NFIA: variants seen among roughly 807,000 people sequenced by gnomAD.
NFIA encodes nuclear factor I A.
In NFIA, 8 loss-of-function variants were observed where a neutral mutation model predicts 62.8. The ratio of observed to expected loss-of-function variants is 0.13; its 90% CI spans 0.07 to 0.23. NFIA has a LOEUF of 0.23. Ranked by LOEUF, NFIA falls within the 10% of genes least tolerant of loss-of-function variation. The pLI is 1.00. For missense variants in NFIA, 410 were observed against 642.1 expected (o/e 0.64, Z 3.91); for synonymous variants, 235 against 238.1 (o/e 0.99, Z 0.12).
intron 2 of NFIA, among the ~76,000 whole-genome samples, chr1:61,234,979 CTCT>C (rs1654903972): frequency 6.6e-6 from 1 of 152,188 alleles, no homozygotes; most frequent in Non-Finnish European, 1.5e-5. Context: ...TAGTTCCTCC[CTCT>C]TCCTGGTAGG....
intron 2 of NFIA, among the ~76,000 whole-genome samples, chr1:61,161,683 T>C (rs773033540): frequency 5.9e-5 from 9 of 152,056 alleles, no homozygotes; most frequent in Non-Finnish European, 1.2e-4. Context: ...TGTAACTCTG[T>C]CACAAGTTGA....
At chr1:61,140,290 T>C (rs1647406218) in intron 2 of NFIA, among the ~76,000 whole-genome samples, 1 of 141,284 alleles carries the variant, frequency 7.1e-6, no homozygotes, top group East Asian at 2.1e-4. Context: ...TGCTACTGCC[T>C]GCAGAAAAAC....
At chr1:61,415,014 T>C (rs2499533) in intron 9 of NFIA, among the ~76,000 whole-genome samples, 116,308 of 152,044 alleles carry the variant, frequency 0.76, 45,637 homozygotes, top group East Asian at 0.98. Flanking sequence ...TTACTTTGCT[T>C]GATTTCCATG....
chr1:61,454,426 G>A (rs962412274), intron 10 of NFIA, among the ~76,000 whole-genome samples: 3 of 152,146 alleles, frequency 2.0e-5, no homozygotes, highest in Non-Finnish European at 2.9e-5. Flanking sequence ...AAGGATTTAC[G>A]AAAGGAAAAG....
At chr1:61,376,023 G>T (rs150269879) in intron 6 of NFIA, among the ~76,000 whole-genome samples, 148 of 152,042 alleles carry the variant, frequency 9.7e-4, no homozygotes, top group African/African-American at 3.5e-3. Flanking sequence ...CTCATTATAC[G>T]TGATCTCTCA....
chr1:61,294,601 A>G (rs1234316653), intron 3 of NFIA, among the ~76,000 whole-genome samples: 4 of 152,260 alleles, frequency 2.6e-5, no homozygotes, highest in African/African-American at 9.6e-5. Context: ...TTTCTGAATA[A>G]TGCCTTTAAA....
intron 2 of NFIA, among the ~76,000 whole-genome samples, chr1:61,098,151 G>A (rs1646448041): frequency 6.6e-6 from 1 of 152,174 alleles, no homozygotes; most frequent in African/African-American, 2.4e-5. Context: ...AGATATAATA[G>A]CAGATTAACA....
At chr1:61,079,696 G>A (rs532852229), upstream of NFIA, among the ~76,000 whole-genome samples, 1 of 152,252 alleles carries the variant, frequency 6.6e-6, no homozygotes, top group African/African-American at 2.4e-5. Context: ...TTCCTCCACT[G>A]CTCTCTCTAC....
chr1:61,316,107 A>C (rs1660353515), intron 3 of NFIA, among the ~76,000 whole-genome samples: 1 of 152,176 alleles, frequency 6.6e-6, no homozygotes, highest in Non-Finnish European at 1.5e-5. Context: ...TGTCGAGTTT[A>C]TATTTATAGA....
chr1:61,413,370 C>T (rs890989289), intron 9 of NFIA, among the ~76,000 whole-genome samples: 3 of 152,022 alleles, frequency 2.0e-5, no homozygotes, highest in African/African-American at 4.8e-5. Flanking sequence ...TATGTATTAT[C>T]TTATCCCATC....
intron 7 of NFIA, among the ~76,000 whole-genome samples, chr1:61,390,186 G>A (rs542498985): frequency 1.4e-4 from 22 of 152,258 alleles, no homozygotes; most frequent in South Asian, 6.2e-4. Flanking sequence ...AGACCCAACC[G>A]CTATTGTCAA....
chr1:61,130,992 C>T (rs1377043922), intron 2 of NFIA, among the ~76,000 whole-genome samples: 1 of 152,096 alleles, frequency 6.6e-6, no homozygotes, highest in Admixed American at 6.5e-5. Context: ...TCAATCTAGT[C>T]TTCCTTGTTC....
chr1:61,309,514 C>A (rs1411756094), intron 3 of NFIA, among the ~76,000 whole-genome samples: 10 of 150,748 alleles, frequency 6.6e-5, no homozygotes, highest in African/African-American at 2.4e-4. Flanking sequence ...ACAAAATTCA[C>A]ACAAAGGCTT....
Position 61,246,674 on chromosome 1 carries a change from TG to T in NFIA, c.560-30845del, listed in dbSNP as rs543075566. 1.5e-3 allele frequency among the ~76,000 whole-genome samples: 231 copies of T among 152,306 alleles called. 2 individuals carry two copies. The highest frequency in any genetic ancestry group is 5.5e-3 in the African/African-American group (227 of 41,568). On this transcript the variant is annotated intron_variant, in intron 2 of 10. Transcript: ENST00000403491. The stretch of plus-strand genomic sequence containing the variant: ...ATATCCCCTTCAAAGGTGGGATGAC[TG>T]ATTTATGGAGGACACATTGTAAATC...
At chr1:61,330,857 C>G (rs1470267076) in intron 3 of NFIA, among the ~76,000 whole-genome samples, 1 of 152,106 alleles carries the variant, frequency 6.6e-6, no homozygotes, top group African/African-American at 2.4e-5. Context: ...TGTTATTGTT[C>G]TATGTGTTTT....
chr1:61,403,378 G>A (rs923512652), intron 7 of NFIA, among the ~76,000 whole-genome samples: 1 of 152,096 alleles, frequency 6.6e-6, no homozygotes, highest in Non-Finnish European at 1.5e-5. Context: ...AATTTACCAG[G>A]GTTCAAATGT....
chr1:61,158,579 C>T (rs1293469474), intron 2 of NFIA, among the ~76,000 whole-genome samples: 2 of 152,178 alleles, frequency 1.3e-5, no homozygotes, highest in African/African-American at 2.4e-5. Flanking sequence ...TGCACTGTCT[C>T]AGTATTCTGG....
intron 7 of NFIA, among the ~76,000 whole-genome samples, chr1:61,385,586 A>G (rs1664638979): frequency 6.6e-6 from 1 of 152,200 alleles, no homozygotes; most frequent in Non-Finnish European, 1.5e-5. Context: ...TTAGTCAGTA[A>G]ATATTAAGAG....
chr1:61,081,440 G>A (rs1646093952), upstream of NFIA, among the ~76,000 whole-genome samples: 1 of 152,146 alleles, frequency 6.6e-6, no homozygotes, highest in African/African-American at 2.4e-5. Flanking sequence ...CCCTTCCAGA[G>A]GTGTCCCAGA....
Sources: gnomAD v4.1 joint callset for allele counts (sites outside exome capture counted in the v4.1 genomes callset) on GRCh38, gnomAD v4.1.1 for gene constraint, MANE v1.5 for transcripts, NCBI Gene and HGNC (gene_info 2026-07-23, HGNC 2026-07-21) for gene names.